RABGAP1L: variants seen among roughly 807,000 people sequenced by gnomAD.
The protein encoded by RABGAP1L is RAB GTPase activating protein 1 like.
In RABGAP1L, 63 loss-of-function variants were observed where a neutral mutation model predicts 137.7. The observed-to-expected ratio is 0.46, with a 90% CI of 0.37 to 0.56. The LOEUF (loss-of-function observed/expected upper bound fraction) is 0.56. RABGAP1L is among the 20% of genes least tolerant of loss of function. The pLI, the probability that RABGAP1L is intolerant of heterozygous loss-of-function variation, is 0.00. For missense variants in RABGAP1L, 1,095 were observed against 1,244.0 expected, an observed-to-expected ratio of 0.88 and a Z score of 1.80; for synonymous variants, 431 against 433.7, an observed-to-expected ratio of 0.99 and a Z score of 0.08.
intron 11 of RABGAP1L, 151 bp downstream of exon 11, chr1:174,305,278 T>C: frequency 1.4e-6 from 1 of 698,406 alleles, no homozygotes; most frequent in Non-Finnish European, 2.0e-6. Flanking sequence ...AGAAAAGAAT[T>C]TGGTTCATTT....
intron 14 of RABGAP1L, among the ~76,000 whole-genome samples, chr1:174,645,753 C>T (rs1674918226): frequency 6.6e-6 from 1 of 152,082 alleles, no homozygotes; most frequent in African/African-American, 2.4e-5. Flanking sequence ...GTGGCTGGGT[C>T]AAATGGTATT....
chr1:174,862,641 T>G (rs1650444615), intron 19 of RABGAP1L, among the ~76,000 whole-genome samples: 1 of 152,176 alleles, frequency 6.6e-6, no homozygotes, highest in African/African-American at 2.4e-5. Context: ...AAGTTAATGC[T>G]TTTTCCTTTT....
At chr1:174,280,048 G>GGAGAGAGAGAGAGAGAGAGAGAGAGAGA (rs59262212) in intron 10 of RABGAP1L, among the ~76,000 whole-genome samples, 2 of 125,306 alleles carry the variant, frequency 1.6e-5, no homozygotes, top group African/African-American at 5.9e-5. Context: ...CTGTCTGCCT[G>GGAGAGAGAGAGAGAGAGAGAGAGAGAGA]GAGAGAGAGA....
intron 11 of RABGAP1L, among the ~76,000 whole-genome samples, chr1:174,321,599 A>T (rs1035469830): frequency 6.6e-6 from 1 of 152,184 alleles, no homozygotes; most frequent in Non-Finnish European, 1.5e-5. Flanking sequence ...TCCTCTGATA[A>T]TGAATAATGA....
rs57011947 is a variant in RABGAP1L, at chr1:174,527,204, G to GTT, written c.1711-110155_1711-110154dup. 1.0e-3 allele frequency among the ~76,000 whole-genome samples: 125 copies of GTT among 119,630 alleles called. 3 individuals are homozygous for GTT. The highest frequency in any genetic ancestry group is 4.5e-3 in the East Asian group (19 of 4,186). The allele number at this position is 119,630 out of a possible 152,430, so 78.5% of individuals were successfully genotyped here. A position where few individuals can be genotyped will look rare whatever the true frequency, so the allele number is the denominator to read the frequency against. ...TGAGAAAACATATGATTTTTATTTT[G>GTT]TTTTTTTTTTTTTTTTTGAGACAGA... On this transcript the variant is annotated intron_variant, in intron 13 of 25. Coordinates refer to ENST00000681986, the MANE Select transcript of RABGAP1L (RefSeq NM_001366446.1).
rs1374778157 is a variant in RABGAP1L, at chr1:174,346,005, A to T, written c.1466-24974A>T. Reference sequence around the variant, plus strand: ...TTTTTAAGCATCAATTGAAATGCTCATATGGTCTTTGTCCTTCATTCTGTT... The same window carrying T: ...TTTTTAAGCATCAATTGAAATGCTCTTATGGTCTTTGTCCTTCATTCTGTT... On this transcript the variant is annotated intron_variant, in intron 11 of 25. Transcript: ENST00000681986. Among the ~76,000 whole-genome samples the T allele has an allele frequency of 2.6e-5, 4 of 152,170 alleles. No individual in the cohort carries two copies. The East Asian group carries it at 5.8e-4, about 22-fold the overall frequency.
At position 174,448,029 on chromosome 1, in the gene RABGAP1L, C is replaced by T. The variant is rs900329926; in HGVS notation, c.1710+53884C>T. On this transcript the variant is annotated intron_variant, in intron 13 of 25. Transcript: ENST00000681986. This position sits in a 1 kb window ranked among gnomAD's most constrained non-coding sequence, Gnocchi z 4.2. Reference sequence around the variant, plus strand: ...GTCTACTGAAGCAGGTTCTGAAACACTCATGTGCGGTGTTTAACAGATGCT... The same window carrying T: ...GTCTACTGAAGCAGGTTCTGAAACATTCATGTGCGGTGTTTAACAGATGCT... The T allele has an allele frequency of 8.4e-7, 1 of 1,186,890 alleles. No homozygotes were observed. Among genetic ancestry groups the T allele is most frequent in the East Asian group, 2.3e-5 (1 of 42,718 alleles). The allele number at this position is 1,186,890 out of a possible 1,614,324, so 73.5% of individuals were successfully genotyped here.
intron 19 of RABGAP1L, among the ~76,000 whole-genome samples, chr1:174,832,123 T>G (rs1692168294): frequency 6.8e-6 from 1 of 146,418 alleles, no homozygotes; most frequent in African/African-American, 2.5e-5. Context: ...TGAAACCCTG[T>G]CTCTACAAAA....
rs71701825 is a variant in RABGAP1L, at chr1:174,664,734, CTTTTTTTTTTTTTT to C, written c.1825-18780_1825-18767del. ...CTCTTTCTTTCTTTCTTTCTGCTTTCTTTTTTTTTTTTTTTTTTTTTGACAGAGTTTTCACTCTT... is the reference window on the plus strand; with the variant it reads ...CTCTTTCTTTCTTTCTTTCTGCTTTCTTTTTTTGACAGAGTTTTCACTCTT... On this transcript the variant is annotated intron_variant, in intron 14 of 25. Transcript: ENST00000681986. Among the ~76,000 whole-genome samples the C allele has an allele frequency of 1.0e-4, 10 of 97,576 alleles. No homozygotes were observed. The South Asian group carries it at 3.4e-3, about 33-fold the overall frequency. 64.0% of individuals were successfully genotyped at this position (97,576 alleles called of 152,430 possible).
intron 13 of RABGAP1L, among the ~76,000 whole-genome samples, chr1:174,573,137 T>A (rs1378189623): frequency 6.6e-6 from 1 of 152,122 alleles, no homozygotes; most frequent in Non-Finnish European, 1.5e-5. Context: ...GTATACACTA[T>A]TTATGTGTGT....
At chr1:174,543,695 G>T (rs1159853702) in intron 13 of RABGAP1L, among the ~76,000 whole-genome samples, 1 of 152,128 alleles carries the variant, frequency 6.6e-6, no homozygotes, top group Non-Finnish European at 1.5e-5. Flanking sequence ...AGCCTCGATG[G>T]TCTTTACCAT....
chr1:174,766,035 A>C (rs1046205303), intron 18 of RABGAP1L, among the ~76,000 whole-genome samples: 1 of 152,170 alleles, frequency 6.6e-6, no homozygotes, highest in African/African-American at 2.4e-5. Flanking sequence ...AGTTAAAATG[A>C]GCTCATTAGG....
At chr1:174,637,146 A>G (rs988104696) in intron 13 of RABGAP1L, among the ~76,000 whole-genome samples, 1 of 151,968 alleles carries the variant, frequency 6.6e-6, no homozygotes, top group Admixed American at 6.6e-5. Flanking sequence ...CCCCATATAA[A>G]CATACATACA....
chr1:174,240,065 A>C (rs534739436), intron 4 of RABGAP1L, among the ~76,000 whole-genome samples: 1 of 152,182 alleles, frequency 6.6e-6, no homozygotes, highest in Non-Finnish European at 1.5e-5. Context: ...CTTCTATGCT[A>C]TCTGTTTAGC....
At chr1:174,494,638 T>C (rs1301155822) in intron 13 of RABGAP1L, among the ~76,000 whole-genome samples, 1 of 152,190 alleles carries the variant, frequency 6.6e-6, no homozygotes, top group Non-Finnish European at 1.5e-5. Context: ...AGGTGGCCAG[T>C]AGAAAGAATT....
intron 18 of RABGAP1L, among the ~76,000 whole-genome samples, chr1:174,774,298 A>T (rs1399227271): frequency 6.6e-6 from 1 of 152,216 alleles, no homozygotes; most frequent in Non-Finnish European, 1.5e-5. Context: ...CTTGATTAAG[A>T]AGGTTTTTAT....
intron 11 of RABGAP1L, among the ~76,000 whole-genome samples, chr1:174,362,647 T>C (rs963469929): frequency 2.6e-5 from 4 of 152,232 alleles, no homozygotes; most frequent in African/African-American, 9.6e-5. Context: ...TGTAAATTTA[T>C]TTAAGTTCCT....
chr1:174,468,594 G>T, intron 13 of RABGAP1L, among the ~76,000 whole-genome samples: 1 of 152,124 alleles, frequency 6.6e-6, no homozygotes, highest in Non-Finnish European at 1.5e-5. Context: ...TGTGTAGTAT[G>T]AAACAGTGAA....
chr1:174,619,112 C>T (rs950608824), intron 13 of RABGAP1L, among the ~76,000 whole-genome samples: 5 of 152,128 alleles, frequency 3.3e-5, no homozygotes, highest in Admixed American at 6.5e-5. Context: ...AAGAAATGAA[C>T]AAAGCCTCCA....
Sources: gnomAD v4.1 joint callset for allele counts (sites outside exome capture counted in the v4.1 genomes callset) on GRCh38, gnomAD v4.1.1 for gene constraint, Gnocchi (gnomAD v3.1) non-coding constraint, MANE v1.5 for transcripts, NCBI Gene and HGNC (gene_info 2026-07-23, HGNC 2026-07-21) for gene names.